The following BRAF variants were observed in gnomAD, a reference collection of about 807,000 sequenced individuals.
BRAF encodes the protein serine/threonine-protein kinase B-raf.
Under a neutral mutation model 104.6 loss-of-function variants are expected in BRAF, and 16 were observed. The observed-to-expected ratio is 0.15, with a 90% CI of 0.10 to 0.23. The LOEUF (loss-of-function observed/expected upper bound fraction) is 0.23, where lower values mean the gene tolerates loss of function less well. Ranked by LOEUF, BRAF falls within the 10% of genes least tolerant of loss-of-function variation. The pLI, the probability that BRAF is intolerant of heterozygous loss-of-function variation, is 1.00. For synonymous variants in BRAF, 310 were observed against 341.6 expected (o/e 0.91, Z 1.02); for missense variants, 541 against 937.3 (o/e 0.58, Z 5.52).
At chr7:140,844,198 A>G (rs1343134374) in intron 2 of BRAF, among the ~76,000 whole-genome samples, 1 of 151,844 alleles carries the variant, frequency 6.6e-6, no homozygotes, top group African/African-American at 2.4e-5. Flanking sequence ...GTAAGGGCGC[A>G]CCCTTCTATA....
chr7:140,869,650 GA>G (rs1334117440), intron 1 of BRAF, among the ~76,000 whole-genome samples: 1 of 144,390 alleles, frequency 6.9e-6, no homozygotes, highest in Non-Finnish European at 1.5e-5. Context: ...AAAAAAAAAA[GA>G]AAAAAAAATC....
At chr7:140,773,298 G>T (rs940886881) in intron 14 of BRAF, 2 of 152,116 alleles carry the variant, frequency 1.3e-5, no homozygotes, top group Non-Finnish European at 2.9e-5. Context: ...CATACAGATG[G>T]GCTTGCTATT....
Position 140,743,304 on chromosome 7 carries a change from CAA to C in BRAF, c.2113-3360_2113-3359del, listed in dbSNP as rs1282148604. On this transcript the variant is annotated intron_variant, in intron 17 of 19. Coordinates refer to ENST00000644969, the MANE Select transcript of BRAF (RefSeq NM_001374258.1). ...TTTATAGCGGCACTATTCACAATAGCAAAGACTTGGAACCAACCCAAATGTCC... is the reference window on the plus strand; with the variant it reads ...TTTATAGCGGCACTATTCACAATAGCAGACTTGGAACCAACCCAAATGTCC... Among the ~76,000 whole-genome samples the C allele has an allele frequency of 2.0e-5, 3 of 151,672 alleles. No homozygotes were observed. The East Asian group carries it at 5.8e-4, about 29-fold the overall frequency.
At chr7:140,753,918 T>C (rs1797993087) in intron 15 of BRAF, 3 of 515,428 alleles carry the variant, frequency 5.8e-6, no homozygotes, top group Admixed American at 6.4e-5. Context: ...ATCAGTTTTA[T>C]AGTGCTGATA....
intron 1 of BRAF, among the ~76,000 whole-genome samples, chr7:140,907,284 CAG>C (rs1456751610): frequency 6.6e-6 from 1 of 152,002 alleles, no homozygotes; most frequent in Non-Finnish European, 1.5e-5. Context: ...TTTTTTGAGA[CAG>C]AGTCTTGCAC....
At chr7:140,798,450 C>G (rs1403879575) in intron 7 of BRAF, among the ~76,000 whole-genome samples, 1 of 150,422 alleles carries the variant, frequency 6.6e-6, no homozygotes, top group East Asian at 2.0e-4. Flanking sequence ...TTAGTAGAGA[C>G]GGGGTTTCAC....
At chr7:140,804,406 T>TTGGGG (rs1554403975) in intron 5 of BRAF, among the ~76,000 whole-genome samples, 1 of 147,256 alleles carries the variant, frequency 6.8e-6, no homozygotes, top group African/African-American at 2.6e-5. Flanking sequence ...GTTTTTTTTT[T>TTGGGG]GGGGGGGGTG....
At chr7:140,897,841 A>G (rs929429092) in intron 1 of BRAF, among the ~76,000 whole-genome samples, 1 of 152,096 alleles carries the variant, frequency 6.6e-6, no homozygotes, top group Non-Finnish European at 1.5e-5. Flanking sequence ...AATCAAAATA[A>G]ATAAATAAAT....
chr7:140,818,015 C>T (rs1033084509), intron 3 of BRAF, among the ~76,000 whole-genome samples: 8 of 151,158 alleles, frequency 5.3e-5, no homozygotes, highest in Middle Eastern at 3.4e-3. Context: ...CATATAGTAT[C>T]GTATCACCTT....
At chr7:140,747,821 T>C (rs554027705) in intron 17 of BRAF, among the ~76,000 whole-genome samples, 1 of 152,324 alleles carries the variant, frequency 6.6e-6, no homozygotes, top group East Asian at 1.9e-4. Context: ...ATCATTTCAG[T>C]GATCTAGATC....
intron 1 of BRAF, among the ~76,000 whole-genome samples, chr7:140,904,842 C>G (rs1216024922): frequency 6.6e-6 from 1 of 152,086 alleles, no homozygotes; most frequent in East Asian, 1.9e-4. Flanking sequence ...CTCCAGCCCT[C>G]GTGATCCGCC....
chr7:140,753,071 A>G (rs1159280747), intron 16 of BRAF, among the ~76,000 whole-genome samples: 1 of 152,232 alleles, frequency 6.6e-6, no homozygotes, highest in Non-Finnish European at 1.5e-5. Context: ...TTTGAAATAC[A>G]CTGAAACTGG....
At chr7:140,880,667 T>C (rs1388563925) in intron 1 of BRAF, among the ~76,000 whole-genome samples, 1 of 152,108 alleles carries the variant, frequency 6.6e-6, no homozygotes, top group African/African-American at 2.4e-5. Context: ...GAATTGAAAG[T>C]CAAAATTACT....
intron 5 of BRAF, among the ~76,000 whole-genome samples, chr7:140,805,813 C>G (rs975790584): frequency 1.3e-5 from 2 of 152,120 alleles, no homozygotes; most frequent in African/African-American, 4.8e-5. Context: ...ATAAGCAGCC[C>G]TCCTTGAATA....
At chr7:140,809,922 T>C (rs1206442481) in intron 3 of BRAF, among the ~76,000 whole-genome samples, 2 of 152,072 alleles carry the variant, frequency 1.3e-5, no homozygotes, top group Admixed American at 6.5e-5. Flanking sequence ...ATCTTTAGCC[T>C]TTTCCTTGCC....
At chr7:140,780,906 G>C (rs1264161095) in intron 12 of BRAF, 1 of 152,032 alleles carries the variant, frequency 6.6e-6, no homozygotes, top group Non-Finnish European at 1.5e-5. Flanking sequence ...TGAACATTTT[G>C]TATATGTTTA....
chr7:140,913,469 CTTTTTTTTTTTTT>C (rs369746551), intron 1 of BRAF, among the ~76,000 whole-genome samples: 17 of 57,016 alleles, frequency 3.0e-4, no homozygotes, highest in African/African-American at 4.5e-4. Context: ...TTAATCACAG[CTTTTTTTTTTTTT>C]TTTTTTTTTT....
intron 14 of BRAF, chr7:140,773,388 C>G (rs1354892270): frequency 6.6e-6 from 1 of 152,118 alleles, no homozygotes; most frequent in Non-Finnish European, 1.5e-5. Context: ...TAAAATTCAC[C>G]CAAGACTCTT....
intron 3 of BRAF, among the ~76,000 whole-genome samples, chr7:140,830,317 C>T (rs911035754): frequency 2.0e-5 from 3 of 152,122 alleles, no homozygotes; most frequent in Admixed American, 1.3e-4. Context: ...CAACAAATGG[C>T]AAGTGGTTTA....
Sources: gnomAD v4.1 joint callset for allele counts (sites outside exome capture counted in the v4.1 genomes callset) on GRCh38, gnomAD v4.1.1 for gene constraint, MANE v1.5 for transcripts, NCBI Gene and HGNC (gene_info 2026-07-23, HGNC 2026-07-21) for gene names.